CHMP4B: variants seen among roughly 807,000 people sequenced by gnomAD.
The protein encoded by CHMP4B is SNF7 homolog associated with Alix 1.
In CHMP4B, 1 loss-of-function variant was observed where a neutral mutation model predicts 25.1. That is an observed-to-expected ratio of 0.04 (90% CI 0.01 to 0.19). The LOEUF (loss-of-function observed/expected upper bound fraction) is 0.19. Ranked by LOEUF, CHMP4B falls within the 10% of genes least tolerant of loss-of-function variation. CHMP4B has a pLI of 1.00. For synonymous variants in CHMP4B, 101 were observed against 115.6 expected (o/e 0.87, Z 0.81); for missense variants, 151 against 289.7 (o/e 0.52, Z 3.48).
At chr20:33,843,097 T>C (rs1159106208) in intron 1 of CHMP4B, among the ~76,000 whole-genome samples, 1 of 152,240 alleles carries the variant, frequency 6.6e-6, no homozygotes, top group Non-Finnish European at 1.5e-5. Context: ...GTTTCCATCC[T>C]GGGTGAACGT....
At chr20:33,849,288 G>T (rs1979773709) in intron 2 of CHMP4B, among the ~76,000 whole-genome samples, 1 of 152,178 alleles carries the variant, frequency 6.6e-6, no homozygotes, top group African/African-American at 2.4e-5. Flanking sequence ...CCAAATGAAG[G>T]CCTCTCTCTT....
intron 1 of CHMP4B, among the ~76,000 whole-genome samples, chr20:33,813,143 TAA>T (rs754102878): frequency 6.7e-4 from 75 of 111,834 alleles, no homozygotes; most frequent in Admixed American, 8.5e-4. Context: ...ACCAGCTCTG[TAA>T]AAAAAAAAAA....
intron 1 of CHMP4B, among the ~76,000 whole-genome samples, chr20:33,816,853 G>C (rs1978796232): frequency 6.6e-6 from 1 of 152,194 alleles, no homozygotes; most frequent in South Asian, 2.1e-4. Context: ...ATGCAAATCA[G>C]TTCATTTACA....
rs564344649 is a variant in CHMP4B, at chr20:33,831,616, C to T, written c.191-16851C>T. On this transcript the variant is annotated intron_variant, in intron 1 of 4. Coordinates refer to ENST00000217402, the MANE Select transcript of CHMP4B (RefSeq NM_176812.5). ...CTTGAACTCGTGGCCTCAAGTGATC[C>T]TCCTGCTTTGGCCTCCCAAGGTGCT... Among the ~76,000 whole-genome samples the T allele has an allele frequency of 1.3e-4, 20 of 152,258 alleles. 1 individual carries two copies. The East Asian group carries it at 3.9e-3, about 29-fold the overall frequency.
chr20:33,848,339 A>G, intron 1 of CHMP4B, 128 bp from the exon 2 acceptor site: 1 of 895,544 alleles, frequency 1.1e-6, no homozygotes, highest in Admixed American at 2.0e-5. Context: ...TGTAGAATTT[A>G]TGAATCCTCT....
At chr20:33,817,908 A>G (rs1358570653) in intron 1 of CHMP4B, among the ~76,000 whole-genome samples, 1 of 152,024 alleles carries the variant, frequency 6.6e-6, no homozygotes, top group Non-Finnish European at 1.5e-5. Flanking sequence ...GCAATCATTT[A>G]TTACGTTTCT....
chr20:33,853,467 C>T (rs1374777424), intron 4 of CHMP4B, 29 bp from the exon 5 acceptor site: 3 of 1,610,454 alleles, frequency 1.9e-6, no homozygotes, highest in Non-Finnish European at 2.5e-6. Context: ...CACCAGTCAT[C>T]CTAAATAGCC....
At chr20:33,848,014 A>C (rs1979734854) in intron 1 of CHMP4B, among the ~76,000 whole-genome samples, 1 of 152,152 alleles carries the variant, frequency 6.6e-6, no homozygotes, top group Admixed American at 6.6e-5. Flanking sequence ...GTTGCTTTAT[A>C]ATAATGGGAG....
intron 1 of CHMP4B, among the ~76,000 whole-genome samples, chr20:33,835,966 A>G (rs1353989429): frequency 6.6e-6 from 1 of 152,196 alleles, no homozygotes; most frequent in Non-Finnish European, 1.5e-5. Flanking sequence ...ATCCGCCCCC[A>G]TGATCCAGAT....
At chr20:33,830,933 G>GGTTTTTTTTTTTTTTTTT (rs1555792006) in intron 1 of CHMP4B, among the ~76,000 whole-genome samples, 1 of 102,524 alleles carries the variant, frequency 9.8e-6, no homozygotes, top group Admixed American at 1.2e-4. Flanking sequence ...AAGGAACAGA[G>GGTTTTTTTTTTTTTTTTT]TTTTTTTTTT....
At chr20:33,822,283 A>G (rs1978963863) in intron 1 of CHMP4B, among the ~76,000 whole-genome samples, 1 of 151,932 alleles carries the variant, frequency 6.6e-6, no homozygotes, top group South Asian at 2.1e-4. Context: ...AGCTGGGATT[A>G]CAGGCACGTG....
chr20:33,842,487 G>A (rs1340850701), intron 1 of CHMP4B, among the ~76,000 whole-genome samples: 1 of 152,202 alleles, frequency 6.6e-6, no homozygotes, highest in Non-Finnish European at 1.5e-5. Flanking sequence ...TGAGCCAGGA[G>A]GAGCTATCTG....
intron 1 of CHMP4B, among the ~76,000 whole-genome samples, chr20:33,845,894 A>G (rs192813595): frequency 2.7e-4 from 41 of 152,316 alleles, no homozygotes; most frequent in East Asian, 2.5e-3. Flanking sequence ...ACTGATGGCA[A>G]AGGCGGTTCT....
chr20:33,823,310 C>A (rs1978998002), intron 1 of CHMP4B, among the ~76,000 whole-genome samples: 1 of 152,052 alleles, frequency 6.6e-6, no homozygotes, highest in South Asian at 2.1e-4. Flanking sequence ...TTATATGAGT[C>A]ACTGGGCAGA....
intron 1 of CHMP4B, among the ~76,000 whole-genome samples, chr20:33,833,982 C>G (rs1203180040): frequency 6.6e-6 from 1 of 152,228 alleles, no homozygotes; most frequent in East Asian, 1.9e-4. Flanking sequence ...CCTGTTTCAT[C>G]TAAGCCGTTG....
chr20:33,819,190 G>A (rs566728773), intron 1 of CHMP4B, among the ~76,000 whole-genome samples: 56 of 152,148 alleles, frequency 3.7e-4, no homozygotes, highest in Non-Finnish European at 4.3e-4. Flanking sequence ...GGGATTACAG[G>A]TGTGAGCCAC....
chr20:33,825,170 T>TA (rs1979060150), intron 1 of CHMP4B, among the ~76,000 whole-genome samples: 1 of 152,198 alleles, frequency 6.6e-6, no homozygotes, highest in Admixed American at 6.5e-5. Context: ...AAACCTTTTC[T>TA]AATTTCAAAA....
At chr20:33,816,076 A>G (rs1172478160) in intron 1 of CHMP4B, among the ~76,000 whole-genome samples, 1 of 152,234 alleles carries the variant, frequency 6.6e-6, no homozygotes, top group Non-Finnish European at 1.5e-5. Flanking sequence ...GAGTATTTGC[A>G]CTGTGTAGGT....
intron 1 of CHMP4B, among the ~76,000 whole-genome samples, chr20:33,820,823 G>A (rs985886390): frequency 7.9e-5 from 12 of 152,142 alleles, no homozygotes; most frequent in Admixed American, 4.6e-4. Context: ...AACCAGGAAC[G>A]TGGAACTATT....
Sources: allele counts gnomAD v4.1 joint callset (sites outside exome capture counted in the v4.1 genomes callset), GRCh38; gene constraint gnomAD v4.1.1; transcripts MANE v1.5; gene names NCBI Gene and HGNC (gene_info 2026-07-23, HGNC 2026-07-21).